The following MGAM variants were observed in gnomAD, a reference collection of about 807,000 sequenced individuals.
MGAM encodes alpha-1,4-glucosidase.
MGAM carries 253 observed loss-of-function variants against 358.8 expected under a neutral mutation model. The observed-to-expected ratio is 0.71, with a 90% CI of 0.64 to 0.78. MGAM has a LOEUF of 0.78. MGAM is among the 30% of genes least tolerant of loss of function. MGAM has a pLI of 0.00. For synonymous variants in MGAM, 1,105 were observed against 1,227.1 expected, an observed-to-expected ratio of 0.90 and a Z score of 2.08; for missense variants, 3,080 against 3,432.6, an observed-to-expected ratio of 0.90 and a Z score of 2.57.
Position 142,097,794 on chromosome 7 carries a change from C to T in MGAM, c.7749+145C>T, listed in dbSNP as rs538833390. The T allele has an allele frequency of 1.6e-4, 124 of 787,324 alleles. 1 individual carries two copies. The highest frequency in any genetic ancestry group is 1.3e-3 in the African/African-American group (77 of 57,430). The allele number at this position is 787,324 out of a possible 1,614,324, so 48.8% of individuals were successfully genotyped here. ...GAAGCCACTTTAACCCTTGTAACCT[C>T]GGTTTTCTCACCTCCAAGTGGAGTA... On this transcript the variant is annotated intron_variant, in intron 66 of 70. Transcript: ENST00000475668.
upstream of MGAM, among the ~76,000 whole-genome samples, chr7:141,994,473 G>A (rs1804090353): frequency 6.6e-6 from 1 of 152,216 alleles, no homozygotes; most frequent in Non-Finnish European, 1.5e-5. Flanking sequence ...GTGCAACTGA[G>A]TCAGTTCCCA....
At chr7:142,081,945 G>A in intron 50 of MGAM, 97 bp from the exon 51 acceptor site, 1 of 1,240,854 alleles carries the variant, frequency 8.1e-7, no homozygotes, top group Non-Finnish European at 1.2e-6. Context: ...CAGCTTCTGG[G>A]TAGGAATCAA....
chr7:142,017,161 A>G (rs1806036583), intron 3 of MGAM, among the ~76,000 whole-genome samples: 1 of 151,910 alleles, frequency 6.6e-6, no homozygotes, highest in Non-Finnish European at 1.5e-5. Context: ...TTTTGGATCG[A>G]GGATTTCCAC....
At chr7:142,082,424 T>G in intron 51 of MGAM, 51 bp from the exon 52 acceptor site, 1 of 1,375,672 alleles carries the variant, frequency 7.3e-7, no homozygotes. Flanking sequence ...AGTTTCTTTC[T>G]CAGGCATAAT....
intron 8 of MGAM, among the ~76,000 whole-genome samples, chr7:142,026,139 C>A (rs62477564): frequency 0.43 from 66,046 of 151,910 alleles, 15,620 homozygotes; most frequent in East Asian, 0.66. Flanking sequence ...GGTAATGACA[C>A]AACTTTTAAG....
Position 142,085,790 on chromosome 7 carries a change from C to T in MGAM, c.6508-43C>T, listed in dbSNP as rs111685780. ...GGCTTGTTCTCCTATAAAGCTTGGG[C>T]GTGTACAGCAGCAGCCTCTCAGCTC... On this transcript the variant is annotated intron_variant, in intron 54 of 70. Coordinates refer to ENST00000475668, the MANE Select transcript of MGAM (RefSeq NM_001365693.1). The T allele has an allele frequency of 7.9e-4, 1,229 of 1,548,354 alleles. 93 individuals are homozygous for T. In the South Asian group the frequency reaches 0.011, roughly 14 times the overall value.
Position 142,066,423 on chromosome 7 carries a change from G to C in MGAM, c.4771-150G>C, listed in dbSNP as rs749714306. On this transcript the variant is annotated intron_variant, in intron 40 of 70. Transcript: ENST00000475668. ...TAGGAGAGCTTTGGTGACTCTTTCC[G>C]GTCTATTAAGAATATTCTCTGGGCC... 3.5e-5 allele frequency: 33 copies of C among 952,102 alleles called. No individual in the cohort carries two copies. The South Asian group carries it at 5.3e-4, about 15-fold the overall frequency. 59.0% of individuals were successfully genotyped at this position (952,102 alleles called of 1,614,324 possible). A position where few individuals can be genotyped will look rare whatever the true frequency, so the allele number is the denominator to read the frequency against.
At chr7:142,036,669 G>A (rs1554465926) in intron 17 of MGAM, among the ~76,000 whole-genome samples, 154 bp from the exon 18 acceptor site, 1 of 152,188 alleles carries the variant, frequency 6.6e-6, no homozygotes, top group Non-Finnish European at 1.5e-5. Context: ...CTCAAGGAGA[G>A]ACACTTGGTA....
In MGAM at chr7:142,070,009, C is replaced by T. The variant is rs1485209379; in HGVS notation, c.5062-985C>T. Among the ~76,000 whole-genome samples, 10 of 144,910 alleles carry T rather than the reference C, an allele frequency of 6.9e-5. 1 individual carries two copies. Among genetic ancestry groups the T allele is most frequent in the African/African-American group, 2.0e-4 (8 of 41,004 alleles). On this transcript the variant is annotated intron_variant, in intron 43 of 70. Coordinates refer to ENST00000475668, the MANE Select transcript of MGAM (RefSeq NM_001365693.1). ...GAGATCGAGACCATCCTAGCTAACACGGTGAAACCCCATCTCTATGAAAAA... is the reference window on the plus strand; with the variant it reads ...GAGATCGAGACCATCCTAGCTAACATGGTGAAACCCCATCTCTATGAAAAA...
Position 142,092,750 on chromosome 7 carries a change from G to T in MGAM, c.7033+142G>T, listed in dbSNP as rs140479004. ...GGTTTACTGGGGACCAGAGACAAAA[G>T]CTCTGCACGCGCTTTACCCAGCTGG... On this transcript the variant is annotated intron_variant, in intron 59 of 70. Coordinates refer to ENST00000475668, the MANE Select transcript of MGAM (RefSeq NM_001365693.1). 376 of 818,052 alleles carry T rather than the reference G, an allele frequency of 4.6e-4. 13 individuals are homozygous for T. In the African/African-American group the frequency reaches 5.6e-3, roughly 12 times the overall value. 50.7% of individuals were successfully genotyped at this position (818,052 alleles called of 1,614,324 possible). A position where few individuals can be genotyped will look rare whatever the true frequency, so the allele number is the denominator to read the frequency against.
At chr7:142,028,312 G>A (rs10238188) in intron 10 of MGAM, among the ~76,000 whole-genome samples, 5,835 of 152,184 alleles carry the variant, frequency 0.038, 290 homozygotes, top group African/African-American at 0.11. Context: ...AGATCCCCAG[G>A]CTCCCTACCT....
intron 13 of MGAM, among the ~76,000 whole-genome samples, 167 bp from the exon 14 acceptor site, chr7:142,032,658 C>T (rs919641980): frequency 5.3e-5 from 8 of 152,048 alleles, no homozygotes; most frequent in Admixed American, 5.2e-4. Context: ...CTTCATGAAG[C>T]CTTCAGTGGG....
In MGAM at chr7:142,076,327, G is replaced by A. The variant is rs879024908; in HGVS notation, c.5325+75G>A. 1.3e-4 allele frequency: 162 copies of A among 1,285,772 alleles called. 16 individuals carry two copies. The highest frequency in any genetic ancestry group is 1.7e-4 in the Non-Finnish European group (153 of 893,324). 79.6% of individuals were successfully genotyped at this position (1,285,772 alleles called of 1,614,324 possible). A position where few individuals can be genotyped will look rare whatever the true frequency, so the allele number is the denominator to read the frequency against. Reference sequence around the variant, plus strand: ...TTAGCACATCTGTGCTTGTGTATATGTGTGATTATATTTGTAACTTTATAT... The same window carrying A: ...TTAGCACATCTGTGCTTGTGTATATATGTGATTATATTTGTAACTTTATAT... On this transcript the variant is annotated intron_variant, in intron 46 of 70. Coordinates refer to ENST00000475668, the MANE Select transcript of MGAM (RefSeq NM_001365693.1).
At chr7:142,079,766 A>G (rs1280171380) in intron 49 of MGAM, among the ~76,000 whole-genome samples, 1 of 146,292 alleles carries the variant, frequency 6.8e-6, no homozygotes, top group East Asian at 2.0e-4. Flanking sequence ...AGTGAAAGTG[A>G]TCAGGACATT....
chr7:142,060,225 G>C, intron 33 of MGAM, 86 bp from the exon 34 acceptor site: 1 of 1,546,420 alleles, frequency 6.5e-7, no homozygotes, highest in South Asian at 1.1e-5. Context: ...GCTCCTAGGA[G>C]CACGGTTTGT....
At chr7:141,991,410 G>C (rs978345723), upstream of MGAM, among the ~76,000 whole-genome samples, 6 of 151,918 alleles carry the variant, frequency 3.9e-5, no homozygotes, top group Non-Finnish European at 7.4e-5. Flanking sequence ...TTAGGGTAAG[G>C]GTGGTGGCTG....
Position 142,030,571 on chromosome 7 carries a change from C to T in MGAM, c.1354-70C>T, listed in dbSNP as rs536385290. 98 of 1,605,002 alleles carry T rather than the reference C, an allele frequency of 6.1e-5. No homozygotes were observed. In the South Asian group the frequency reaches 9.7e-4, roughly 16 times the overall value. Reference sequence around the variant, plus strand: ...CACCCATCTCTCCTGCTTTCTCCCCCAGTTCCCAGTCTCCTTTCAGTGCCT... The same window carrying T: ...CACCCATCTCTCCTGCTTTCTCCCCTAGTTCCCAGTCTCCTTTCAGTGCCT... On this transcript the variant is annotated intron_variant, in intron 11 of 70. Transcript: ENST00000475668.
In MGAM at chr7:142,083,420, A is replaced by G. The variant is rs75222822; in HGVS notation, c.6381+7A>G. 0.056 allele frequency: 86,156 copies of G among 1,525,590 alleles called. 14,240 individuals carry two copies. The highest frequency in any genetic ancestry group is 0.27 in the African/African-American group (20,197 of 74,396). 94.5% of individuals were successfully genotyped at this position (1,525,590 alleles called of 1,614,324 possible). Reference sequence around the variant, plus strand: ...CACCCAGCAGTACACTGAGGTAGGGAGAAATCCAATTGTTTATCAAGTACT... The same window carrying G: ...CACCCAGCAGTACACTGAGGTAGGGGGAAATCCAATTGTTTATCAAGTACT... On this transcript the variant is annotated splice_region_variant and intron_variant, in intron 53 of 70. Transcript: ENST00000475668.
chr7:142,099,813 A>G, intron 67 of MGAM, 76 bp downstream of exon 67: 1 of 1,564,998 alleles, frequency 6.4e-7, no homozygotes, highest in Non-Finnish European at 8.7e-7. Context: ...CCAAAATGTA[A>G]GCATCACTCT....
Sources: gnomAD v4.1 joint callset for allele counts (sites outside exome capture counted in the v4.1 genomes callset) on GRCh38, gnomAD v4.1.1 for gene constraint, MANE v1.5 for transcripts, NCBI Gene and HGNC (gene_info 2026-07-23, HGNC 2026-07-21) for gene names.